Variants in VMP1 observed in about 807,000 individuals in gnomAD.
VMP1 encodes vacuole membrane protein 1, also known as ectopic P-granules autophagy protein 3 homolog.
A neutral mutation model predicts 56.0 loss-of-function variants in VMP1; 11 were observed. The observed-to-expected ratio is 0.20, with a 90% confidence interval of 0.12 to 0.32. The LOEUF (loss-of-function observed/expected upper bound fraction) is 0.32, where lower values mean the gene tolerates loss of function less well. Ranked by LOEUF, VMP1 falls within the 10% of genes least tolerant of loss-of-function variation. VMP1 has a pLI of 1.00. For missense variants in VMP1, 296 were observed against 490.3 expected, an observed-to-expected ratio of 0.60 and a Z score of 3.74; for synonymous variants, 149 against 165.0, an observed-to-expected ratio of 0.90 and a Z score of 0.74.
chr17:59,800,561 C>T (rs1265594323), intron 7 of VMP1, among the ~76,000 whole-genome samples: 1 of 152,162 alleles, frequency 6.6e-6, no homozygotes, highest in Non-Finnish European at 1.5e-5. Flanking sequence ...ATCACTTCAG[C>T]TCCAAATCCA....
rs554467368 is a variant in VMP1, at chr17:59,828,414, G to A, written c.975-9881G>A. Among the ~76,000 whole-genome samples, 4 of 152,286 alleles carry A rather than the reference G, an allele frequency of 2.6e-5. No individual in the cohort carries two copies. In the East Asian group the frequency reaches 7.7e-4, roughly 29 times the overall value. ...CAATGTACCTGATAAAATACACCTG[G>A]AGAAAGCATGGTCTTCCTTCTACAC... On this transcript the variant is annotated intron_variant, in intron 10 of 11. Transcript: ENST00000262291.
intron 7 of VMP1, among the ~76,000 whole-genome samples, chr17:59,795,661 AAAAAT>A (rs1305132021): frequency 1.3e-5 from 2 of 151,760 alleles, no homozygotes; most frequent in Non-Finnish European, 2.9e-5. Flanking sequence ...TAAAAATTAT[AAAAAT>A]AAAAAATAAT....
chr17:59,719,932 C>G (rs1396732386), intron 1 of VMP1, among the ~76,000 whole-genome samples: 2 of 152,152 alleles, frequency 1.3e-5, no homozygotes, highest in Non-Finnish European at 1.5e-5. Context: ...TTTCTTGTAT[C>G]TATATAAGTG....
chr17:59,777,972 G>A (rs193150796), intron 7 of VMP1, among the ~76,000 whole-genome samples: 10 of 152,192 alleles, frequency 6.6e-5, no homozygotes, highest in African/African-American at 2.4e-4. Flanking sequence ...CTTGCTTCCT[G>A]GAATTCTAGT....
intron 7 of VMP1, among the ~76,000 whole-genome samples, chr17:59,792,744 G>A (rs1054894393): frequency 8.0e-4 from 121 of 151,290 alleles, no homozygotes; most frequent in African/African-American, 2.5e-3. Flanking sequence ...AGCTACTCAG[G>A]AGGCTGAGGC....
At chr17:59,782,609 T>C (rs557287058) in intron 7 of VMP1, among the ~76,000 whole-genome samples, 76 of 152,296 alleles carry the variant, frequency 5.0e-4, no homozygotes, top group Admixed American at 2.0e-3. Flanking sequence ...GTAGATAACA[T>C]GTATTTGGTA....
At chr17:59,812,153 G>A (rs1043761070) in intron 9 of VMP1, among the ~76,000 whole-genome samples, 2 of 151,970 alleles carry the variant, frequency 1.3e-5, no homozygotes, top group Non-Finnish European at 2.9e-5. Context: ...TGTTTGTTTT[G>A]TTTTGTTTTA....
chr17:59,823,576 A>T (rs1185055766), intron 10 of VMP1, among the ~76,000 whole-genome samples: 1 of 151,778 alleles, frequency 6.6e-6, no homozygotes, highest in Non-Finnish European at 1.5e-5. Context: ...GGTGAAACCC[A>T]GTCTCTACTA....
At chr17:59,714,288 T>C (rs1409057385) in intron 1 of VMP1, among the ~76,000 whole-genome samples, 1 of 152,086 alleles carries the variant, frequency 6.6e-6, no homozygotes, top group Non-Finnish European at 1.5e-5. Context: ...TCTTTTTCTC[T>C]GCTTATAAAG....
chr17:59,774,002 A>G (rs2036531313), intron 7 of VMP1, 117 bp downstream of exon 7: 2 of 994,662 alleles, frequency 2.0e-6, no homozygotes, highest in Non-Finnish European at 2.7e-6. Context: ...AAAAAAAAAA[A>G]GAAAGAAAAA....
chr17:59,751,058 G>A (rs543507198), intron 5 of VMP1, among the ~76,000 whole-genome samples: 219 of 146,966 alleles, frequency 1.5e-3, no homozygotes, highest in African/African-American at 5.2e-3. Flanking sequence ...TCAGCCTCCC[G>A]AGTAGCTGGG....
chr17:59,786,086 G>A (rs1296428791), intron 7 of VMP1, among the ~76,000 whole-genome samples: 5 of 151,944 alleles, frequency 3.3e-5, no homozygotes, highest in African/African-American at 9.7e-5. Context: ...TATTTTACTA[G>A]TGAAAATATA....
At chr17:59,792,991 G>A (rs1435022577) in intron 7 of VMP1, among the ~76,000 whole-genome samples, 1 of 109,856 alleles carries the variant, frequency 9.1e-6, no homozygotes, top group African/African-American at 2.7e-5. Context: ...TTCAAGACCA[G>A]TCTGGGCCAA....
intron 10 of VMP1, among the ~76,000 whole-genome samples, chr17:59,834,378 C>T (rs574435733): frequency 6.6e-5 from 10 of 152,252 alleles, no homozygotes; most frequent in South Asian, 4.1e-4. Flanking sequence ...ATCCTCCTGC[C>T]TCAGCCCCCA....
intron 7 of VMP1, among the ~76,000 whole-genome samples, chr17:59,805,152 G>A (rs1307029725): frequency 6.6e-6 from 1 of 152,128 alleles, no homozygotes; most frequent in East Asian, 1.9e-4. Flanking sequence ...AGCTTCACGT[G>A]TTCGGATAGA....
At chr17:59,742,350 A>G (rs994132497) in intron 5 of VMP1, among the ~76,000 whole-genome samples, 3 of 151,814 alleles carry the variant, frequency 2.0e-5, no homozygotes, top group African/African-American at 7.3e-5. Flanking sequence ...ACACATAAAT[A>G]AATAAAAGAT....
intron 7 of VMP1, among the ~76,000 whole-genome samples, chr17:59,778,659 T>C (rs2036715316): frequency 6.6e-6 from 1 of 152,198 alleles, no homozygotes; most frequent in Admixed American, 6.5e-5. Flanking sequence ...CCAGGCTTAA[T>C]ATTTACTGAG....
intron 7 of VMP1, among the ~76,000 whole-genome samples, chr17:59,798,175 C>T (rs1358217506): frequency 6.6e-6 from 1 of 152,152 alleles, no homozygotes. Flanking sequence ...TGCAACCTGC[C>T]CATGTAAATT....
At chr17:59,740,078 A>G (rs1227931284) in intron 5 of VMP1, among the ~76,000 whole-genome samples, 3 of 137,806 alleles carry the variant, frequency 2.2e-5, no homozygotes, top group South Asian at 2.1e-4. Flanking sequence ...CTCCGTCTCA[A>G]AAAAAAAAAA....
Sources: allele counts gnomAD v4.1 joint callset (sites outside exome capture counted in the v4.1 genomes callset), GRCh38; gene constraint gnomAD v4.1.1; transcripts MANE v1.5; gene names NCBI Gene and HGNC (gene_info 2026-07-23, HGNC 2026-07-21).